FUT8: variants seen among roughly 807,000 people sequenced by gnomAD.
The protein encoded by FUT8 is alpha-(1,6)-fucosyltransferase.
FUT8 carries 29 observed loss-of-function variants against 71.3 expected under a neutral mutation model. The observed-to-expected ratio is 0.41, with a 90% CI of 0.30 to 0.55. FUT8 has a LOEUF of 0.55. Among genes scored for constraint, FUT8 ranks in the 20% least tolerant of loss-of-function variants. FUT8 has a pLI of 0.34. For synonymous variants in FUT8, 254 were observed against 239.3 expected (o/e 1.06, Z -0.57); for missense variants, 544 against 702.1 (o/e 0.77, Z 2.55).
At chr14:65,487,347 G>C (rs2066423096) in intron 2 of FUT8, among the ~76,000 whole-genome samples, 1 of 152,104 alleles carries the variant, frequency 6.6e-6, no homozygotes, top group Admixed American at 6.5e-5. Context: ...CAGATCACTT[G>C]AGATCAGGAG....
At chr14:65,462,634 C>T (rs906005411) in intron 2 of FUT8, among the ~76,000 whole-genome samples, 10 of 152,196 alleles carry the variant, frequency 6.6e-5, no homozygotes, top group Non-Finnish European at 1.5e-4. Flanking sequence ...AAATAGGTCA[C>T]TGTAGTATCG....
At chr14:65,691,933 A>T (rs1362640894) in intron 7 of FUT8, among the ~76,000 whole-genome samples, 1 of 152,226 alleles carries the variant, frequency 6.6e-6, no homozygotes, top group Non-Finnish European at 1.5e-5. Context: ...GTCATAGATC[A>T]ACAGGATCCC....
rs1017796068 is a variant in FUT8, at chr14:65,722,169, T to A, written c.1082+148T>A. 1.9e-5 allele frequency: 19 copies of A among 990,410 alleles called. No individual in the cohort carries two copies. In the South Asian group the frequency reaches 2.7e-4, roughly 14 times the overall value. The allele number at this position is 990,410 out of a possible 1,614,324, so 61.4% of individuals were successfully genotyped here. A position where few individuals can be genotyped will look rare whatever the true frequency, so the allele number is the denominator to read the frequency against. On this transcript the variant is annotated intron_variant, in intron 8 of 10. Transcript: ENST00000673929. ...GTTCTAGAGCTATCCTAAGGTCACA[T>A]GGAGACTATTTTTTTTTGTTTGTTT...
At chr14:65,360,902 C>A in the FUT8 span, among the ~76,000 whole-genome samples, 1 of 152,028 alleles carries the variant, frequency 6.6e-6, no homozygotes, top group African/African-American at 2.4e-5. Context: ...ATTTTATGAG[C>A]CCATATTTTC....
chr14:65,716,347 G>C (rs1232278993), intron 7 of FUT8, among the ~76,000 whole-genome samples: 1 of 145,872 alleles, frequency 6.9e-6, no homozygotes, highest in Non-Finnish European at 1.5e-5. Flanking sequence ...TTGATGAATT[G>C]ATCCCTTTAT....
At position 65,532,857 on chromosome 14, in the gene FUT8, G is replaced by C. The variant is rs149996659; in HGVS notation, c.-227-28480G>C. Among the ~76,000 whole-genome samples, 951 of 152,272 alleles carry C rather than the reference G, an allele frequency of 6.2e-3. 12 individuals are homozygous for C. The highest frequency in any genetic ancestry group is 0.035 in the East Asian group (184 of 5,184). On this transcript the variant is annotated intron_variant, in intron 2 of 10. Coordinates refer to ENST00000673929, the MANE Select transcript of FUT8 (RefSeq NM_001371533.1). ...AGTTTCAATCTTCTGCATACGGCTA[G>C]CCGGTTATCCCAGCATCATTTTATT... is the stretch of plus-strand genomic sequence containing the variant.
the FUT8 span, among the ~76,000 whole-genome samples, chr14:65,362,009 T>G: frequency 1.3e-5 from 2 of 152,170 alleles, no homozygotes; most frequent in Non-Finnish European, 2.9e-5. Context: ...GCAGCATATC[T>G]TGTTTCAACA....
intron 5 of FUT8, among the ~76,000 whole-genome samples, chr14:65,622,910 G>GTT (rs33918554): frequency 0.49 from 63,162 of 128,554 alleles, 16,831 homozygotes; most frequent in East Asian, 0.69. Context: ...GAGCTTCTCT[G>GTT]TTTTTTTTTT....
At chr14:65,575,565 T>A (rs1170431352) in intron 3 of FUT8, among the ~76,000 whole-genome samples, 2 of 4,602 alleles carry the variant, frequency 4.3e-4, no homozygotes, top group Middle Eastern at 0.056. Context: ...CCTCCCTCCC[T>A]TCTTTCCTTC....
chr14:65,463,277 A>G (rs1037568964), intron 2 of FUT8, among the ~76,000 whole-genome samples: 3 of 151,998 alleles, frequency 2.0e-5, no homozygotes, highest in Non-Finnish European at 2.9e-5. Flanking sequence ...TTCTTTATTA[A>G]TTTTTTTGAG....
chr14:65,680,600 A>G (rs903490966), intron 7 of FUT8, among the ~76,000 whole-genome samples: 3 of 152,196 alleles, frequency 2.0e-5, no homozygotes, highest in African/African-American at 7.2e-5. Context: ...ATTTCACAGC[A>G]TGTTGATTAG....
rs774594294 is a variant in FUT8 at position 65,615,986 on chromosome 14, A to G, written c.212A>G (p.Glu71Gly). The G allele has an allele frequency of 3.2e-5, 52 of 1,609,608 alleles. No individual in the cohort carries two copies. Among genetic ancestry groups the G allele is most frequent in the Non-Finnish European group, 4.2e-5 (50 of 1,176,680 alleles). Residue 71 changes from glutamate to glycine, a missense_variant, in exon 4 of 11, where the codon GAA becomes GGA. By Grantham distance (98) the Glu-to-Gly change is moderately conservative (BLOSUM62 -2). Transcript: ENST00000673929. ...RRMAESLRIP[E>G]GPIDQGPAIG... ...TCTTCCCTAAACTACAGGATACCAG[A>G]AGGCCCTATTGATCAGGGGCCAGCT...
At chr14:65,736,321 A>G (rs1566924204) in intron 10 of FUT8, among the ~76,000 whole-genome samples, 1 of 151,768 alleles carries the variant, frequency 6.6e-6, no homozygotes, top group Admixed American at 6.6e-5. Flanking sequence ...GACACTCTAT[A>G]GTATTTATTT....
chr14:65,516,362 G>C (rs775703916), intron 2 of FUT8: 1 of 152,166 alleles, frequency 6.6e-6, no homozygotes, highest in African/African-American at 2.4e-5. Flanking sequence ...CAGGAAGTGC[G>C]GACAAGCTTC....
chr14:65,475,330 A>AG (rs2139657722), intron 2 of FUT8, among the ~76,000 whole-genome samples: 1 of 152,304 alleles, frequency 6.6e-6, no homozygotes, highest in Admixed American at 6.5e-5. Context: ...TCATAGGCGT[A>AG]GGAGGTATTT....
At chr14:65,469,995 C>G (rs1298287388) in intron 2 of FUT8, among the ~76,000 whole-genome samples, 1 of 152,334 alleles carries the variant, frequency 6.6e-6, no homozygotes, top group East Asian at 1.9e-4. Context: ...GGGACGTGCC[C>G]CCTTCCACCC....
At chr14:65,360,839 G>A in the FUT8 span, among the ~76,000 whole-genome samples, 1 of 152,172 alleles carries the variant, frequency 6.6e-6, no homozygotes, top group Non-Finnish European at 1.5e-5. Flanking sequence ...CTGAAGTTGA[G>A]TTCACAACTT....
chr14:65,465,292 A>G (rs2066026256), intron 2 of FUT8, among the ~76,000 whole-genome samples: 1 of 152,202 alleles, frequency 6.6e-6, no homozygotes, highest in Non-Finnish European at 1.5e-5. Context: ...AATGCTAAAA[A>G]TTAATCTCTT....
the FUT8 span, among the ~76,000 whole-genome samples, chr14:65,360,039 G>A: frequency 1.5e-3 from 229 of 152,172 alleles, no homozygotes; most frequent in Non-Finnish European, 2.6e-3. Flanking sequence ...CACCATGTTG[G>A]CCAAGATGAT....
Sources: gnomAD v4.1 joint callset for allele counts (sites outside exome capture counted in the v4.1 genomes callset) on GRCh38, gnomAD v4.1.1 for gene constraint, MANE v1.5 for transcripts, NCBI Gene and HGNC (gene_info 2026-07-23, HGNC 2026-07-21) for gene names.